Variants in SPNS2 observed in about 807,000 individuals in gnomAD.
SPNS2 encodes sphingosine-1-phosphate transporter SPNS2.
Under a neutral mutation model 57.6 loss-of-function variants are expected in SPNS2, and 37 were observed. That is an observed-to-expected ratio of 0.64 (90% CI 0.49 to 0.85). The LOEUF (loss-of-function observed/expected upper bound fraction) is 0.85. Ranked by LOEUF, SPNS2 falls within the 40% of genes least tolerant of loss-of-function variation. The pLI, the probability that SPNS2 is intolerant of heterozygous loss-of-function variation, is 0.00. For synonymous variants in SPNS2, 440 were observed against 346.9 expected (o/e 1.27, Z -2.98); for missense variants, 831 against 779.1 (o/e 1.07, Z -0.79).
At chr17:4,521,239 G>T (rs1216863276) in intron 2 of SPNS2, among the ~76,000 whole-genome samples, 1 of 152,148 alleles carries the variant, frequency 6.6e-6, no homozygotes, top group Non-Finnish European at 1.5e-5. Flanking sequence ...TTGCCACCTA[G>T]CACAGACAGG....
At chr17:4,522,457 C>A (rs1018342666) in intron 2 of SPNS2, among the ~76,000 whole-genome samples, 1 of 152,188 alleles carries the variant, frequency 6.6e-6, no homozygotes, top group Non-Finnish European at 1.5e-5. Flanking sequence ...ACCACCCACG[C>A]GCACTCACTG....
chr17:4,506,782 C>T (rs1904690977), intron 1 of SPNS2, among the ~76,000 whole-genome samples: 1 of 152,148 alleles, frequency 6.6e-6, no homozygotes, highest in African/African-American at 2.4e-5. Context: ...GATCAGTAAG[C>T]TGCTCTGCCA....
At position 4,533,305 on chromosome 17, in the gene SPNS2, C is replaced by T. The variant is rs1300998472; in HGVS notation, c.1151C>T (p.Ala384Val). The part of the protein sequence containing the change: ...GFLGVVTGAG[A>V]TRWCRLKTQR... ...CTGGGCGTGGTCACGGGGGCAGGAG[C>T]CACGCGCTGGTGCCGCCTGAAGACC... The change falls in exon 8 of 13, where the codon GCC (alanine) becomes GTC (valine). Residue 384 changes from alanine (A) to valine (V), a missense_variant. By Grantham distance (64) the Ala-to-Val change is moderately conservative (BLOSUM62 0). Around this residue, in one of 2 missense-constraint regions of SPNS2, gnomAD observed 526 missense variants for 400.9 expected, o/e 1.31. Coordinates refer to ENST00000329078, the MANE Select transcript of SPNS2 (RefSeq NM_001124758.3). 1.2e-6 allele frequency: 2 copies of T among 1,611,492 alleles called. No homozygotes were observed. The highest frequency in any genetic ancestry group is 2.2e-5 in the East Asian group (1 of 44,862).
intron 2 of SPNS2, among the ~76,000 whole-genome samples, chr17:4,516,810 A>G (rs1905008119): frequency 6.6e-6 from 1 of 152,396 alleles, no homozygotes. Context: ...TGCCAGAAGC[A>G]GAGAGCTGAA....
Position 4,537,749 on chromosome 17 carries a change from A to T in SPNS2, c.*301A>T. On this transcript the variant is annotated 3_prime_UTR_variant, in exon 13 of 13. Coordinates refer to ENST00000329078, the MANE Select transcript of SPNS2 (RefSeq NM_001124758.3). Reference sequence around the variant, plus strand: ...CAGCCCCAAGTGGGTGTCCGGGGAGAGCCTGGCCTGCCACCAGCTTATGTG... The same window carrying T: ...CAGCCCCAAGTGGGTGTCCGGGGAGTGCCTGGCCTGCCACCAGCTTATGTG... 2.2e-6 allele frequency: 1 copy of T among 456,518 alleles called. No individual in the cohort carries two copies. The highest frequency in any genetic ancestry group is 1.5e-5 in the South Asian group (1 of 64,568). The allele number at this position is 456,518 out of a possible 1,614,324, so 28.3% of individuals were successfully genotyped here. A position where few individuals can be genotyped will look rare whatever the true frequency, so the allele number is the denominator to read the frequency against.
Position 4,538,752 on chromosome 17 carries a change from A to C in SPNS2, c.*1304A>C, listed in dbSNP as rs1020726210. The stretch of plus-strand genomic sequence containing the variant: ...GCTTCAGTGGTGTGTAAGCAGGTGG[A>C]ATACTCACCCACCAAGCTCTGGGGT... On this transcript the variant is annotated 3_prime_UTR_variant, in exon 13 of 13. Coordinates refer to ENST00000329078, the MANE Select transcript of SPNS2 (RefSeq NM_001124758.3). The C allele has an allele frequency of 1.8e-5, 13 of 714,244 alleles. No homozygotes were observed. The highest frequency in any genetic ancestry group is 2.8e-5 in the Non-Finnish European group (11 of 398,528). The allele number at this position is 714,244 out of a possible 1,614,324, so 44.2% of individuals were successfully genotyped here. A position where few individuals can be genotyped will look rare whatever the true frequency, so the allele number is the denominator to read the frequency against.
At position 4,536,421 on chromosome 17, in the gene SPNS2, G is replaced by A; in HGVS notation, c.1602G>A (p.Glu534=). The change falls in exon 11 of 13, where the codon GAG becomes GAA. Residue 534 remains glutamate, a synonymous_variant. Transcript: ENST00000329078. The part of the protein sequence containing the change: ...LFFVSDRARA[E]QQVNQLAMPP... Reference sequence around the variant, plus strand: ...TCGTCAGCGACCGCGCCAGGGCTGAGCAGCAGTGAGTGGGGGGGAGGGGAG... The same window carrying A: ...TCGTCAGCGACCGCGCCAGGGCTGAACAGCAGTGAGTGGGGGGGAGGGGAG... The A allele has an allele frequency of 6.3e-7, 1 of 1,577,148 alleles. No homozygotes were observed. The highest frequency in any genetic ancestry group is 8.6e-7 in the Non-Finnish European group (1 of 1,165,934).
intron 1 of SPNS2, among the ~76,000 whole-genome samples, chr17:4,500,719 G>A (rs577275190): frequency 2.0e-5 from 3 of 152,274 alleles, no homozygotes; most frequent in African/African-American, 7.2e-5. Flanking sequence ...CCTTCTCTGG[G>A]CCTCAGTCTC....
In SPNS2 at chr17:4,536,432, T is replaced by TA; in HGVS notation, c.1607+6_1607+7insA. On this transcript the variant is annotated splice_region_variant and intron_variant, in intron 11 of 12. Coordinates refer to ENST00000329078, the MANE Select transcript of SPNS2 (RefSeq NM_001124758.3). The stretch of plus-strand genomic sequence containing the variant: ...CGCGCCAGGGCTGAGCAGCAGTGAG[T>TA]GGGGGGGAGGGGAGGCCCTGCTGCA... 2 of 1,578,354 alleles carry TA rather than the reference T, an allele frequency of 1.3e-6. No individual in the cohort carries two copies. Among genetic ancestry groups the TA allele is most frequent in the Admixed American group, 1.7e-5 (1 of 57,782 alleles).
intron 2 of SPNS2, among the ~76,000 whole-genome samples, chr17:4,517,262 T>C (rs73972608): frequency 0.064 from 9,686 of 152,264 alleles, 917 homozygotes; most frequent in African/African-American, 0.21. Flanking sequence ...CCAGGGACCC[T>C]GGCAGAAGCA....
intron 1 of SPNS2, among the ~76,000 whole-genome samples, chr17:4,507,629 G>A (rs1904717154): frequency 6.6e-6 from 1 of 152,230 alleles, no homozygotes; most frequent in Non-Finnish European, 1.5e-5. Context: ...GGAAAACCAG[G>A]ATTTAAACCC....
At chr17:4,536,849 G>A in intron 11 of SPNS2, 51 bp from the exon 12 acceptor site, 1 of 1,508,216 alleles carries the variant, frequency 6.6e-7, no homozygotes, top group Non-Finnish European at 9.2e-7. Flanking sequence ...CAGTGCCCGG[G>A]CCCGGCCCCC....
At position 4,530,175 on chromosome 17, in the gene SPNS2, T is replaced by C. The variant is rs1905402397; in HGVS notation, c.574-457T>C. ...AACGCCCCACTCCCCACTCCCCACT[T>C]CACACTGGGCCCTCAGTGCTGCCAG... is the stretch of plus-strand genomic sequence containing the variant. On this transcript the variant is annotated intron_variant, in intron 3 of 12. Coordinates refer to ENST00000329078, the MANE Select transcript of SPNS2 (RefSeq NM_001124758.3). Among the ~76,000 whole-genome samples the C allele has an allele frequency of 2.6e-5, 4 of 151,912 alleles. No homozygotes were observed. In the South Asian group the frequency reaches 6.2e-4, roughly 24 times the overall value.
intron 9 of SPNS2, among the ~76,000 whole-genome samples, chr17:4,535,195 G>C (rs1204953515): frequency 6.6e-6 from 1 of 152,110 alleles, no homozygotes; most frequent in Non-Finnish European, 1.5e-5. Context: ...GTCTGACTCT[G>C]GCCTGCCCAG....
At chr17:4,530,876 G>A (rs1905436117) in intron 4 of SPNS2, 93 bp downstream of exon 4, 3 of 1,523,626 alleles carry the variant, frequency 2.0e-6, no homozygotes, top group Admixed American at 3.7e-5. Context: ...TCTAGCCCAG[G>A]CAGGCGTCCT....
intron 12 of SPNS2, 131 bp from the exon 13 acceptor site, chr17:4,537,307 TTCCCAGCAGCACGAG>T (rs1329944371): frequency 2.4e-6 from 1 of 420,428 alleles, no homozygotes; most frequent in African/African-American, 2.0e-5. Flanking sequence ...GAGTTATAGC[TTCCCAGCAGCACGAG>T]ACCCAGGGTC....
intron 3 of SPNS2, among the ~76,000 whole-genome samples, chr17:4,527,745 C>G (rs565189704): frequency 3.3e-5 from 5 of 152,204 alleles, no homozygotes; most frequent in Admixed American, 2.0e-4. Context: ...CTGACAATAC[C>G]AAGTGTGATC....
Position 4,533,291 on chromosome 17 carries a change from C to G in SPNS2, c.1137C>G (p.Val379=). The G allele has an allele frequency of 1.2e-6, 2 of 1,610,670 alleles. No homozygotes were observed. Among genetic ancestry groups the G allele is most frequent in the Non-Finnish European group, 1.7e-6 (2 of 1,178,452 alleles). Residue 379 remains valine (V), a synonymous_variant, in exon 8 of 13, where the codon GTC becomes GTG. Transcript: ENST00000329078. ...ITCFTGFLGV[V]TGAGATRWCR... Reference sequence around the variant, plus strand: ...GCTTTACGGGATTTCTGGGCGTGGTCACGGGGGCAGGAGCCACGCGCTGGT... The same window carrying G: ...GCTTTACGGGATTTCTGGGCGTGGTGACGGGGGCAGGAGCCACGCGCTGGT...
intron 9 of SPNS2, among the ~76,000 whole-genome samples, chr17:4,534,221 T>C (rs969789097): frequency 6.6e-5 from 10 of 152,072 alleles, no homozygotes; most frequent in African/African-American, 2.4e-4. Flanking sequence ...CTACTCAGCC[T>C]GGCTCCCAGG....
Sources: gnomAD v4.1 joint callset for allele counts (sites outside exome capture counted in the v4.1 genomes callset) on GRCh38, gnomAD v4.1.1 for gene constraint, gnomAD v4.1.1 regional missense constraint, MANE v1.5 for transcripts, NCBI Gene and HGNC (gene_info 2026-07-23, HGNC 2026-07-21) for gene names.